The following GRM7 variants were observed in gnomAD, a reference collection of about 807,000 sequenced individuals.
The protein encoded by GRM7 is metabotropic glutamate receptor 7.
Under a neutral mutation model 84.5 loss-of-function variants are expected in GRM7, and 35 were observed. The observed-to-expected ratio is 0.41, with a 90% CI of 0.32 to 0.55. The LOEUF (loss-of-function observed/expected upper bound fraction) is 0.55. Among genes scored for constraint, GRM7 ranks in the 20% least tolerant of loss-of-function variants. GRM7 has a pLI of 0.19. For synonymous variants in GRM7, 487 were observed against 455.1 expected, an observed-to-expected ratio of 1.07 and a Z score of -0.89; for missense variants, 1,003 against 1,194.6, an observed-to-expected ratio of 0.84 and a Z score of 2.36.
At chr3:7,204,869 T>G (rs1040743233) in intron 2 of GRM7, among the ~76,000 whole-genome samples, 1 of 152,208 alleles carries the variant, frequency 6.6e-6, no homozygotes, top group African/African-American at 2.4e-5. Flanking sequence ...AAATTTATGT[T>G]TTAGGTCAAT....
intron 8 of GRM7, among the ~76,000 whole-genome samples, chr3:7,649,379 C>T (rs770115775): frequency 5.9e-5 from 9 of 152,136 alleles, no homozygotes; most frequent in Non-Finnish European, 8.8e-5. Context: ...TGAGCCACCG[C>T]GCCCAGCCGA....
intron 7 of GRM7, chr3:7,520,170 A>T (rs747938): frequency 7.2e-5 from 11 of 151,966 alleles, no homozygotes; most frequent in African/African-American, 1.9e-4. Context: ...TCACTTGTGG[A>T]TAAAGAGGAG....
intron 1 of GRM7, among the ~76,000 whole-genome samples, chr3:7,045,070 T>G (rs1499147): frequency 0.35 from 53,967 of 152,054 alleles, 10,643 homozygotes; most frequent in African/African-American, 0.53. Flanking sequence ...GTTAATGTGA[T>G]GAAGGGTGGT....
At chr3:7,577,766 A>C (rs1475218143) in intron 7 of GRM7, among the ~76,000 whole-genome samples, 1 of 152,216 alleles carries the variant, frequency 6.6e-6, no homozygotes, top group African/African-American at 2.4e-5. Flanking sequence ...GAAATAGTCT[A>C]ATACAATTAA....
chr3:7,391,050 T>A (rs1301733718), intron 4 of GRM7, among the ~76,000 whole-genome samples: 2 of 152,094 alleles, frequency 1.3e-5, no homozygotes, highest in African/African-American at 4.8e-5. Context: ...TTTTTCTTTT[T>A]TTTTCCCTTG....
intron 8 of GRM7, among the ~76,000 whole-genome samples, chr3:7,600,154 T>C (rs1276252515): frequency 6.6e-6 from 1 of 152,100 alleles, no homozygotes; most frequent in Non-Finnish European, 1.5e-5. Flanking sequence ...ATGATTTTTA[T>C]GTTTCTTATT....
Position 7,610,687 on chromosome 3 carries a change from G to C in GRM7, c.2451+31330G>C, listed in dbSNP as rs373524094. 2.5e-4 allele frequency among the ~76,000 whole-genome samples: 38 copies of C among 152,272 alleles called. 1 individual carries two copies. Among genetic ancestry groups the C allele is most frequent in the African/African-American group, 8.7e-4 (36 of 41,566 alleles). ...TCCAAAGGAAGCATCTTGGGATTTT[G>C]TTTCTTATTTTCATGATCCAGGGCA... is the stretch of plus-strand genomic sequence containing the variant. On this transcript the variant is annotated intron_variant, in intron 8 of 9. Transcript: ENST00000357716.
At chr3:7,718,364 C>T (rs1374432226) in intron 9 of GRM7, among the ~76,000 whole-genome samples, 1 of 152,110 alleles carries the variant, frequency 6.6e-6, no homozygotes, top group Non-Finnish European at 1.5e-5. Context: ...ATATTTTTCT[C>T]ACAATAAACA....
At chr3:6,940,341 C>T (rs772393786) in intron 1 of GRM7, among the ~76,000 whole-genome samples, 4 of 152,164 alleles carry the variant, frequency 2.6e-5, no homozygotes, top group Non-Finnish European at 2.9e-5. Flanking sequence ...CTGCCCATCT[C>T]GGCCTCCGAA....
intron 8 of GRM7, among the ~76,000 whole-genome samples, chr3:7,634,556 CG>C (rs1230344145): frequency 7.0e-6 from 1 of 142,740 alleles, no homozygotes; most frequent in Non-Finnish European, 1.5e-5. Flanking sequence ...GAGGCCGAGG[CG>C]GGTGGATCAC....
At chr3:7,641,584 G>A (rs1231052183) in intron 8 of GRM7, among the ~76,000 whole-genome samples, 1 of 152,176 alleles carries the variant, frequency 6.6e-6, no homozygotes, top group Non-Finnish European at 1.5e-5. Flanking sequence ...AAATTGGGAT[G>A]TCCAGGGGAG....
chr3:7,708,777 G>A (rs771299889), intron 9 of GRM7, among the ~76,000 whole-genome samples: 1 of 152,102 alleles, frequency 6.6e-6, no homozygotes. Flanking sequence ...TAGGATCCCA[G>A]GGAAGTACCT....
chr3:7,695,463 A>T (rs1700983327), intron 9 of GRM7, among the ~76,000 whole-genome samples: 1 of 151,926 alleles, frequency 6.6e-6, no homozygotes, highest in Non-Finnish European at 1.5e-5. Context: ...CAAAGAGATT[A>T]TGATTTTTAA....
At chr3:7,517,925 C>T (rs1213810881) in intron 7 of GRM7, among the ~76,000 whole-genome samples, 2 of 152,196 alleles carry the variant, frequency 1.3e-5, no homozygotes, top group Non-Finnish European at 2.9e-5. Context: ...GGCTCAGGAC[C>T]TTTACATCTA....
At chr3:7,208,322 C>T (rs1575032780) in intron 2 of GRM7, among the ~76,000 whole-genome samples, 1 of 152,056 alleles carries the variant, frequency 6.6e-6, no homozygotes. Flanking sequence ...CATAAGGAGA[C>T]AGAAAGGTGA....
chr3:7,140,006 G>C (rs1186968003), intron 1 of GRM7, among the ~76,000 whole-genome samples: 2 of 151,986 alleles, frequency 1.3e-5, no homozygotes, highest in East Asian at 1.9e-4. Flanking sequence ...GAAAAGATCT[G>C]AATATACATT....
chr3:7,404,250 G>A (rs1459516629), intron 4 of GRM7, among the ~76,000 whole-genome samples: 1 of 152,170 alleles, frequency 6.6e-6, no homozygotes. Context: ...CTCTCCTGGA[G>A]AGGAGCATTT....
Position 7,578,822 on chromosome 3 carries a change from G to C in GRM7, c.1916G>C (p.Cys639Ser). The change falls in exon 8 of 10, where the codon TGC (cysteine) becomes TCC (serine). Residue 639 changes from cysteine to serine, a missense_variant. Transcript: ENST00000357716. ...GTTCTTTTGACGGGCATCTTTCTTT[G>C]CTACATCATCACTTTCCTGATGATT... Reference protein sequence around the residue: ...SYVLLTGIFLCYIITFLMIAK... With the variant: ...SYVLLTGIFLSYIITFLMIAK... 1 of 1,614,146 alleles carries C rather than the reference G, an allele frequency of 6.2e-7. No homozygotes were observed. Among genetic ancestry groups the C allele is most frequent in the Non-Finnish European group, 8.5e-7 (1 of 1,180,026 alleles).
chr3:7,036,108 T>C (rs944967857), intron 1 of GRM7, among the ~76,000 whole-genome samples: 2 of 152,168 alleles, frequency 1.3e-5, no homozygotes, highest in Admixed American at 1.3e-4. Flanking sequence ...CATAAATGTA[T>C]ATCTTGAAGA....
Sources: allele counts gnomAD v4.1 joint callset (sites outside exome capture counted in the v4.1 genomes callset), GRCh38; gene constraint gnomAD v4.1.1; transcripts MANE v1.5; gene names NCBI Gene and HGNC (gene_info 2026-07-23, HGNC 2026-07-21).